The following PDZRN3 variants were observed in gnomAD, a reference collection of about 807,000 sequenced individuals.
PDZRN3 encodes E3 ubiquitin-protein ligase PDZRN3.
In PDZRN3, 38 loss-of-function variants were observed where a neutral mutation model predicts 85.7. The ratio of observed to expected loss-of-function variants is 0.44; its 90% confidence interval spans 0.34 to 0.58. The LOEUF is 0.58. Among genes scored for constraint, PDZRN3 ranks in the 20% least tolerant of loss-of-function variants. The probability of loss-of-function intolerance (pLI) is 0.01; values close to 1 mark genes in which losing one functional copy is unlikely to be tolerated. For missense variants in PDZRN3, 1,629 were observed against 1,506.4 expected (o/e 1.08, Z -1.35); for synonymous variants, 759 against 638.0 (o/e 1.19, Z -2.86).
intron 3 of PDZRN3, among the ~76,000 whole-genome samples, chr3:73,535,515 CT>C (rs1457606198): frequency 6.6e-6 from 1 of 152,152 alleles, no homozygotes; most frequent in Non-Finnish European, 1.5e-5. Flanking sequence ...ATCAGTGCCC[CT>C]ATCCATATTC....
rs969559907 is a variant in PDZRN3, at chr3:73,383,316, T to C, written c.*49A>G. The C allele has an allele frequency of 4.6e-6, 7 of 1,514,362 alleles. No homozygotes were observed. The Admixed American group carries it at 8.5e-5, about 18-fold the overall frequency. 93.8% of individuals were successfully genotyped at this position (1,514,362 alleles called of 1,614,324 possible). ...CCGCATTGAACGAGGCAGGAATTTC[T>C]ACCCCAGTGGTAGTGGTCTCCTTTA... On this transcript the variant is annotated 3_prime_UTR_variant, in exon 10 of 10. Transcript: ENST00000263666.
rs148651869 is a variant in PDZRN3, at chr3:73,484,419, G to C, written c.919-80024C>G. Among the ~76,000 whole-genome samples the C allele has an allele frequency of 2.4e-4, 37 of 152,154 alleles. No individual in the cohort carries two copies. In the East Asian group the frequency reaches 3.3e-3, roughly 14 times the overall value. On this transcript the variant is annotated intron_variant, in intron 3 of 9. Transcript: ENST00000263666. Reference sequence around the variant, plus strand: ...TCAGAGGATCATTTTCCAATGGAGGGGGGTGGTTAGTTCGATGCCCCAGAG... The same window carrying C: ...TCAGAGGATCATTTTCCAATGGAGGCGGGTGGTTAGTTCGATGCCCCAGAG...
chr3:73,582,286 T>C (rs558403867), intron 3 of PDZRN3, among the ~76,000 whole-genome samples: 9 of 152,274 alleles, frequency 5.9e-5, no homozygotes, highest in African/African-American at 2.2e-4. Context: ...CTTGTTTCAA[T>C]GATTGTGGCA....
At position 73,624,377 on chromosome 3, in the gene PDZRN3, A is replaced by C. The variant is rs1307740706; in HGVS notation, c.449T>G (p.Leu150Trp). ...GRCQEGCGLP[L>W]THGEQRAGGH... ...GCCCGCGCGCTGCTCGCCGTGCGTC[A>C]AGGGTAGCCCGCAGCCCTCCTGGCA... The change falls in exon 1 of 10, where the codon TTG (leucine) becomes TGG (tryptophan). Residue 150 changes from leucine (L) to tryptophan (W), a missense_variant. By Grantham distance (61) the Leu-to-Trp change is moderately conservative (BLOSUM62 -2). Transcript: ENST00000263666. 2 of 1,311,030 alleles carry C rather than the reference A, an allele frequency of 1.5e-6. No individual in the cohort carries two copies. Among genetic ancestry groups the C allele is most frequent in the African/African-American group, 3.1e-5 (2 of 63,936 alleles). The allele number at this position is 1,311,030 out of a possible 1,614,324, so 81.2% of individuals were successfully genotyped here.
intron 3 of PDZRN3, among the ~76,000 whole-genome samples, chr3:73,490,041 T>C (rs7635547): frequency 0.67 from 101,648 of 152,076 alleles, 34,157 homozygotes; most frequent in East Asian, 0.87. Context: ...AATGTATGGA[T>C]TGACTAAAAA....
chr3:73,428,097 C>G (rs761844638), intron 3 of PDZRN3, among the ~76,000 whole-genome samples: 2 of 152,052 alleles, frequency 1.3e-5, no homozygotes, highest in Non-Finnish European at 2.9e-5. Flanking sequence ...GCCTGCAGGA[C>G]CAGGGCAGAT....
chr3:73,475,756 G>C (rs2106895121), intron 3 of PDZRN3, among the ~76,000 whole-genome samples: 1 of 152,314 alleles, frequency 6.6e-6, no homozygotes, highest in Non-Finnish European at 1.5e-5. Context: ...GATGAGCCAT[G>C]CCCACAGTAC....
chr3:73,449,093 A>G (rs547091286), intron 3 of PDZRN3, among the ~76,000 whole-genome samples: 1 of 152,346 alleles, frequency 6.6e-6, no homozygotes, highest in Admixed American at 6.5e-5. Context: ...TAATTAAAGC[A>G]TAAAATATTC....
At chr3:73,500,287 A>C (rs897867339) in intron 3 of PDZRN3, among the ~76,000 whole-genome samples, 4 of 152,130 alleles carry the variant, frequency 2.6e-5, no homozygotes, top group Admixed American at 2.0e-4. Flanking sequence ...GGGCTCAAGC[A>C]ATTCTCCAAC....
At chr3:73,416,443 CATAGTCTTTCTGTA>C (rs1280175644) in intron 3 of PDZRN3, among the ~76,000 whole-genome samples, 1 of 151,848 alleles carries the variant, frequency 6.6e-6, no homozygotes, top group Non-Finnish European at 1.5e-5. Flanking sequence ...GCCATACCGA[CATAGTCTTTCTGTA>C]ATGGGCTCTG....
chr3:73,456,657 G>A (rs540118355), intron 3 of PDZRN3, among the ~76,000 whole-genome samples: 5 of 152,062 alleles, frequency 3.3e-5, no homozygotes, highest in South Asian at 2.1e-4. Flanking sequence ...CAATAACATC[G>A]TCATGTATAA....
chr3:73,519,098 A>T (rs1704305101), intron 3 of PDZRN3, among the ~76,000 whole-genome samples: 2 of 152,128 alleles, frequency 1.3e-5, no homozygotes, highest in African/African-American at 4.8e-5. Flanking sequence ...AGAGACCCCA[A>T]CCTCACTTAT....
At chr3:73,389,624 C>T (rs767397030) in intron 7 of PDZRN3, among the ~76,000 whole-genome samples, 192 bp downstream of exon 7, 1 of 152,178 alleles carries the variant, frequency 6.6e-6, no homozygotes, top group Non-Finnish European at 1.5e-5. Flanking sequence ...GTCCTCACCA[C>T]TCCCTCTTGC....
intron 3 of PDZRN3, among the ~76,000 whole-genome samples, chr3:73,457,065 A>G (rs769585302): frequency 1.3e-5 from 2 of 152,040 alleles, no homozygotes; most frequent in Non-Finnish European, 2.9e-5. Context: ...GGAGAAAGAA[A>G]TTTCTACCTT....
At chr3:73,465,504 C>T (rs75949211) in intron 3 of PDZRN3, among the ~76,000 whole-genome samples, 1,952 of 152,262 alleles carry the variant, frequency 0.013, 49 homozygotes, top group African/African-American at 0.044. Flanking sequence ...ACAAAATATC[C>T]CTTTCCAATT....
At chr3:73,444,896 G>A (rs561641941) in intron 3 of PDZRN3, among the ~76,000 whole-genome samples, 1 of 152,358 alleles carries the variant, frequency 6.6e-6, no homozygotes, top group African/African-American at 2.4e-5. Context: ...CGCAGAAAGA[G>A]CTCTCTGACT....
At chr3:73,452,605 T>A (rs1418852400) in intron 3 of PDZRN3, among the ~76,000 whole-genome samples, 1 of 152,134 alleles carries the variant, frequency 6.6e-6, no homozygotes, top group Admixed American at 6.5e-5. Context: ...TCATCCACCA[T>A]CCTAACTGGT....
chr3:73,498,426 G>A (rs1703910087), intron 3 of PDZRN3, among the ~76,000 whole-genome samples: 1 of 152,148 alleles, frequency 6.6e-6, no homozygotes, highest in African/African-American at 2.4e-5. Flanking sequence ...TTTCACCAGA[G>A]TTAAACAACA....
chr3:73,492,513 G>T (rs1216507749), intron 3 of PDZRN3, among the ~76,000 whole-genome samples: 1 of 152,196 alleles, frequency 6.6e-6, no homozygotes, highest in Non-Finnish European at 1.5e-5. Context: ...TTGGATGTCT[G>T]GGTGCATGGT....
Sources: gnomAD v4.1 joint callset for allele counts (sites outside exome capture counted in the v4.1 genomes callset) on GRCh38, gnomAD v4.1.1 for gene constraint, MANE v1.5 for transcripts, NCBI Gene and HGNC (gene_info 2026-07-23, HGNC 2026-07-21) for gene names.